Variants in DPPA4 observed in about 807,000 individuals in gnomAD.
DPPA4 encodes the protein developmental pluripotency associated 4.
A neutral mutation model predicts 33.7 loss-of-function variants in DPPA4; 22 were observed. The observed-to-expected ratio is 0.65, with a 90% CI of 0.47 to 0.93. DPPA4 has a LOEUF of 0.93. Among genes scored for constraint, DPPA4 ranks in the 40% least tolerant of loss-of-function variants. The pLI is 0.00. For synonymous variants in DPPA4, 156 were observed against 132.3 expected (o/e 1.18, Z -1.23); for missense variants, 340 against 358.6 (o/e 0.95, Z 0.42).
At position 109,337,454 on chromosome 3, in the gene DPPA4, C is replaced by G. The variant is rs146126088; in HGVS notation, c.54+10G>C. The G allele has an allele frequency of 6.2e-7, 1 of 1,613,278 alleles. No individual in the cohort carries two copies. Among genetic ancestry groups the G allele is most frequent in the Non-Finnish European group, 8.5e-7 (1 of 1,179,340 alleles). On this transcript the variant is annotated intron_variant, in intron 1 of 6. Coordinates refer to ENST00000335658, the MANE Select transcript of DPPA4 (RefSeq NM_018189.4). ...CAGACAGAAAACAAATCCACTAAAA[C>G]TGTACTGACCTCCTTGCCTTTTGCC...
At chr3:109,337,421 C>T (rs1708236643) in intron 1 of DPPA4, 43 bp downstream of exon 1, 1 of 1,593,914 alleles carries the variant, frequency 6.3e-7, no homozygotes, top group African/African-American at 1.3e-5. Flanking sequence ...AAGACAGAAA[C>T]ACAAAGACAG....
In DPPA4 at chr3:109,331,786, T is replaced by C. The variant is rs192264330; in HGVS notation, c.340-2A>G. The C allele has an allele frequency of 4.3e-6, 7 of 1,613,598 alleles. No homozygotes were observed. The highest frequency in any genetic ancestry group is 5.9e-6 in the Non-Finnish European group (7 of 1,179,692). ...CAGGCGCTTATATGCATCCAATTTC[T>C]AAGACAATAGAAAACTGAGTTAGTA... On this transcript the variant is annotated splice_acceptor_variant, in intron 3 of 6. Transcript: ENST00000335658. LOFTEE classifies it high-confidence loss of function.
intron 6 of DPPA4, among the ~76,000 whole-genome samples, chr3:109,328,513 C>G (rs1707985183): frequency 6.6e-6 from 1 of 152,176 alleles, no homozygotes; most frequent in Non-Finnish European, 1.5e-5. Context: ...ACTTAAGGAA[C>G]CTCTTCTTTG....
At chr3:109,334,594 T>C (rs375700198) in intron 1 of DPPA4, among the ~76,000 whole-genome samples, 2 of 152,058 alleles carry the variant, frequency 1.3e-5, no homozygotes, top group African/African-American at 4.8e-5. Flanking sequence ...CCTGGCAGAA[T>C]TTTTTCCCCC....
chr3:109,334,662 C>G (rs889764591), intron 1 of DPPA4, among the ~76,000 whole-genome samples: 1 of 152,100 alleles, frequency 6.6e-6, no homozygotes, highest in Non-Finnish European at 1.5e-5. Flanking sequence ...CAGAGTGACA[C>G]TATGAAAAGT....
At chr3:109,331,260 CAAAAAAAAAAAAA>C (rs10593582) in intron 4 of DPPA4, among the ~76,000 whole-genome samples, 5 of 58,410 alleles carry the variant, frequency 8.6e-5, no homozygotes, top group East Asian at 1.1e-3. Flanking sequence ...GACTCTGTCT[CAAAAAAAAAAAAA>C]AAAAAAAAAA....
At position 109,330,466 on chromosome 3, in the gene DPPA4, A is replaced by G. The variant is rs572400529; in HGVS notation, c.679+58T>C. The G allele has an allele frequency of 2.5e-6, 4 of 1,590,584 alleles. No homozygotes were observed. The South Asian group carries it at 4.4e-5, about 18-fold the overall frequency. Reference sequence around the variant, plus strand: ...ATACCCTAAAATGTACCAGTGATTAATATCTACTAAGCTTATTTCCCCATT... The same window carrying G: ...ATACCCTAAAATGTACCAGTGATTAGTATCTACTAAGCTTATTTCCCCATT... On this transcript the variant is annotated intron_variant, in intron 5 of 6. Coordinates refer to ENST00000335658, the MANE Select transcript of DPPA4 (RefSeq NM_018189.4).
At chr3:109,338,232 G>A (rs1708251400), upstream of DPPA4, among the ~76,000 whole-genome samples, 1 of 152,120 alleles carries the variant, frequency 6.6e-6, no homozygotes, top group Non-Finnish European at 1.5e-5. Context: ...CCCCGCCCGA[G>A]TATTTTTTTA....
At chr3:109,338,051 G>C (rs368210425), upstream of DPPA4, among the ~76,000 whole-genome samples, 3 of 152,110 alleles carry the variant, frequency 2.0e-5, no homozygotes, top group South Asian at 4.1e-4. Context: ...ATCTGCCAAC[G>C]AACTAATAAT....
At chr3:109,333,106 C>G (rs1163715971) in intron 2 of DPPA4, among the ~76,000 whole-genome samples, 1 of 152,018 alleles carries the variant, frequency 6.6e-6, no homozygotes, top group Non-Finnish European at 1.5e-5. Context: ...CTTTAGGAGG[C>G]CAAGGCAGAC....
At chr3:109,335,130 T>C (rs1034572520) in intron 1 of DPPA4, among the ~76,000 whole-genome samples, 21 of 152,216 alleles carry the variant, frequency 1.4e-4, no homozygotes, top group African/African-American at 5.1e-4. Context: ...GGCTTTGATA[T>C]GCTCCTCACT....
At chr3:109,337,005 A>G (rs376171242) in intron 1 of DPPA4, among the ~76,000 whole-genome samples, 1 of 152,066 alleles carries the variant, frequency 6.6e-6, no homozygotes, top group Non-Finnish European at 1.5e-5. Flanking sequence ...GGTTCAAGCG[A>G]TTCTCCTGCC....
chr3:109,337,577 C>T, upstream of DPPA4: 3 of 1,498,924 alleles, frequency 2.0e-6, no homozygotes, highest in African/African-American at 1.4e-5. Context: ...CCACTTCCTG[C>T]CGCCCGAAGA....
intron 2 of DPPA4, among the ~76,000 whole-genome samples, chr3:109,332,781 A>G (rs967724584): frequency 2.0e-5 from 3 of 152,084 alleles, no homozygotes; most frequent in Non-Finnish European, 4.4e-5. Flanking sequence ...TGCACCTCAC[A>G]TACCTTGTCT....
chr3:109,334,961 G>A (rs1708160532), intron 1 of DPPA4, among the ~76,000 whole-genome samples: 1 of 152,008 alleles, frequency 6.6e-6, no homozygotes, highest in Non-Finnish European at 1.5e-5. Flanking sequence ...TCTACCACTT[G>A]TTAATTGCAA....
At chr3:109,336,078 G>A (rs1708189566) in intron 1 of DPPA4, among the ~76,000 whole-genome samples, 2 of 151,518 alleles carry the variant, frequency 1.3e-5, no homozygotes, top group Admixed American at 6.6e-5. Context: ...GCTTGAACCC[G>A]GGAAGCAGAG....
Position 109,330,565 on chromosome 3 carries a change from G to T in DPPA4, c.638C>A (p.Ala213Glu). The T allele has an allele frequency of 6.2e-7, 1 of 1,613,816 alleles. No individual in the cohort carries two copies. Among genetic ancestry groups the T allele is most frequent in the Non-Finnish European group, 8.5e-7 (1 of 1,179,944 alleles). Residue 213 changes from alanine to glutamate, a missense_variant, in exon 5 of 7, where the codon GCG (alanine) becomes GAG (glutamate). Physicochemically the swap from Ala to Glu is moderately radical, Grantham distance 107. Transcript: ENST00000335658. Reference sequence around the variant, plus strand: ...AGATTCCACTGCCTCTGGTGTCCTCGCCCTGGCTGAAATTCTCGCCCAGGA... The same window carrying T: ...AGATTCCACTGCCTCTGGTGTCCTCTCCCTGGCTGAAATTCTCGCCCAGGA... ...LASWARISAR[A>E]RTPEAVESPQ...
chr3:109,334,140 T>C, intron 1 of DPPA4, 147 bp from the exon 2 acceptor site: 1 of 827,550 alleles, frequency 1.2e-6, no homozygotes, highest in Non-Finnish European at 1.8e-6. Flanking sequence ...ATCATCTTAA[T>C]ACTCAGTTTC....
At chr3:109,332,770 C>A (rs551358556) in intron 2 of DPPA4, among the ~76,000 whole-genome samples, 1 of 152,286 alleles carries the variant, frequency 6.6e-6, no homozygotes, top group South Asian at 2.1e-4. Context: ...CATCCCGCTT[C>A]TGCACCTCAC....
Sources: allele counts gnomAD v4.1 joint callset (sites outside exome capture counted in the v4.1 genomes callset), GRCh38; gene constraint gnomAD v4.1.1; transcripts MANE v1.5; gene names NCBI Gene and HGNC (gene_info 2026-07-23, HGNC 2026-07-21).